The following MAP2K6 variants were observed in gnomAD, a reference collection of about 807,000 sequenced individuals.
MAP2K6 encodes the protein mitogen-activated protein kinase kinase 6, also known as dual specificity mitogen-activated protein kinase kinase 6.
MAP2K6 carries 16 observed loss-of-function variants against 53.7 expected under a neutral mutation model. The ratio of observed to expected loss-of-function variants is 0.30; its 90% CI spans 0.20 to 0.45. MAP2K6 has a LOEUF of 0.45. Among genes scored for constraint, MAP2K6 ranks in the 20% least tolerant of loss-of-function variants. The probability of loss-of-function intolerance (pLI) is 1.00; values close to 1 mark genes in which losing one functional copy is unlikely to be tolerated. For synonymous variants in MAP2K6, 132 were observed against 143.1 expected, an observed-to-expected ratio of 0.92 and a Z score of 0.55; for missense variants, 204 against 411.9, an observed-to-expected ratio of 0.50 and a Z score of 4.37.
intron 1 of MAP2K6, among the ~76,000 whole-genome samples, chr17:69,487,788 T>C (rs1908601741): frequency 1.3e-5 from 2 of 152,236 alleles, no homozygotes; most frequent in Admixed American, 1.3e-4. Context: ...GGGTACTTCC[T>C]TCAGTCTTTA....
chr17:69,467,938 G>A (rs140553004), intron 1 of MAP2K6, among the ~76,000 whole-genome samples: 2,822 of 152,010 alleles, frequency 0.019, 97 homozygotes, highest in African/African-American at 0.064. Flanking sequence ...GCTAATTTTT[G>A]TATTTTTAGT....
At chr17:69,465,768 T>C (rs1187223482) in intron 1 of MAP2K6, among the ~76,000 whole-genome samples, 2 of 151,676 alleles carry the variant, frequency 1.3e-5, no homozygotes, top group South Asian at 4.2e-4. Context: ...TATAGACGTG[T>C]GCCACCATGT....
At position 69,552,094 on chromosome 17, in the gene MAP2K6, G is replaced by A. The variant is rs1912123151; in HGVS notation, c.*10341G>A. ...TTTTCTTACCTTCTGTAAATTTTGT[G>A]ATAGACACATGTTATTTGTATATAT... is the stretch of plus-strand genomic sequence containing the variant. On this transcript the variant is annotated 3_prime_UTR_variant, in exon 12 of 12. Transcript: ENST00000590474. 6.6e-6 allele frequency: 1 copy of A among 152,204 alleles called. No homozygotes were observed. Among genetic ancestry groups the A allele is most frequent in the South Asian group, 2.1e-4 (1 of 4,828 alleles). The allele number at this position is 152,204 out of a possible 1,614,324, so 9.4% of individuals were successfully genotyped here. A position where few individuals can be genotyped will look rare whatever the true frequency, so the allele number is the denominator to read the frequency against.
chr17:69,546,985 G>A lies in MAP2K6; in HGVS notation c.*5232G>A, dbSNP rs1218303794. On this transcript the variant is annotated 3_prime_UTR_variant, in exon 12 of 12. Transcript: ENST00000590474. ...CCAGACCCGATAGAATAGAAAGAAA[G>A]CTATTTTATTCTCGGAGGTCTATGT... 1.3e-5 allele frequency: 2 copies of A among 151,890 alleles called. No homozygotes were observed. Among genetic ancestry groups the A allele is most frequent in the South Asian group, 2.1e-4 (1 of 4,820 alleles). 9.4% of individuals were successfully genotyped at this position (151,890 alleles called of 1,614,324 possible).
chr17:69,429,699 A>G (rs1193109789), intron 1 of MAP2K6, among the ~76,000 whole-genome samples: 1 of 152,222 alleles, frequency 6.6e-6, no homozygotes, highest in Admixed American at 6.5e-5. Flanking sequence ...AAGAAAGGGC[A>G]CTAAGGAAAG....
At chr17:69,496,173 G>A (rs8065373) in intron 1 of MAP2K6, among the ~76,000 whole-genome samples, 1,940 of 151,894 alleles carry the variant, frequency 0.013, 38 homozygotes, top group African/African-American at 0.044. Context: ...CCCAATTAGC[G>A]GATGGACAGG....
At chr17:69,463,126 G>A (rs1168017472) in intron 1 of MAP2K6, among the ~76,000 whole-genome samples, 11 of 151,840 alleles carry the variant, frequency 7.2e-5, no homozygotes, top group Admixed American at 6.6e-4. Flanking sequence ...ATGAGACACA[G>A]TGTTAGAGGT....
chr17:69,547,883 A>G lies in MAP2K6; in HGVS notation c.*6130A>G, dbSNP rs1023925927. 6.6e-6 allele frequency: 1 copy of G among 152,208 alleles called. No individual in the cohort carries two copies. The highest frequency in any genetic ancestry group is 2.4e-5 in the African/African-American group (1 of 41,448). The allele number at this position is 152,208 out of a possible 1,614,324, so 9.4% of individuals were successfully genotyped here. A position where few individuals can be genotyped will look rare whatever the true frequency, so the allele number is the denominator to read the frequency against. On this transcript the variant is annotated 3_prime_UTR_variant, in exon 12 of 12. Transcript: ENST00000590474. ...TCTTTCTTTCTGTAGTGTGGTTTATACACAAGGAGAATCACGAACCCAGAC... is the reference window on the plus strand; with the variant it reads ...TCTTTCTTTCTGTAGTGTGGTTTATGCACAAGGAGAATCACGAACCCAGAC...
intron 10 of MAP2K6, among the ~76,000 whole-genome samples, chr17:69,530,148 C>A (rs1295905281): frequency 6.6e-6 from 1 of 152,020 alleles, no homozygotes; most frequent in African/African-American, 2.4e-5. Flanking sequence ...TACTCTGTCT[C>A]TACAAAAAAT....
In MAP2K6 at chr17:69,551,927, G is replaced by C. The variant is rs1383274875; in HGVS notation, c.*10174G>C. 6.6e-6 allele frequency: 1 copy of C among 152,138 alleles called. No homozygotes were observed. Among genetic ancestry groups the C allele is most frequent in the East Asian group, 1.9e-4 (1 of 5,198 alleles). 9.4% of individuals were successfully genotyped at this position (152,138 alleles called of 1,614,324 possible). On this transcript the variant is annotated 3_prime_UTR_variant, in exon 12 of 12. Transcript: ENST00000590474. Reference sequence around the variant, plus strand: ...TTGTGAAAATCTTGATGAGACACTAGAATTTCTTTATGGAATTGAACTTTA... The same window carrying C: ...TTGTGAAAATCTTGATGAGACACTACAATTTCTTTATGGAATTGAACTTTA...
intron 1 of MAP2K6, among the ~76,000 whole-genome samples, chr17:69,473,896 T>A (rs527256425): frequency 1.2e-3 from 184 of 152,356 alleles, no homozygotes; most frequent in African/African-American, 4.3e-3. Context: ...TACCCTGGTA[T>A]GTGTGATCGT....
chr17:69,523,056 T>C (rs952311144), intron 7 of MAP2K6, among the ~76,000 whole-genome samples: 1 of 152,190 alleles, frequency 6.6e-6, no homozygotes, highest in South Asian at 2.1e-4. Flanking sequence ...TAAGACCTTA[T>C]CTTGAAGAAA....
intron 1 of MAP2K6, among the ~76,000 whole-genome samples, chr17:69,452,038 A>T (rs914834549): frequency 6.6e-6 from 1 of 152,090 alleles, no homozygotes; most frequent in Non-Finnish European, 1.5e-5. Flanking sequence ...AGCGGTGGGG[A>T]TGGAGGCAGT....
chr17:69,534,583 A>G (rs1036596314), intron 10 of MAP2K6, among the ~76,000 whole-genome samples: 2 of 134,428 alleles, frequency 1.5e-5, no homozygotes, highest in African/African-American at 2.8e-5. Context: ...TTTTAATTTT[A>G]TTTCGTTTTA....
intron 2 of MAP2K6, among the ~76,000 whole-genome samples, chr17:69,514,621 G>A (rs1051087119): frequency 2.6e-5 from 4 of 152,098 alleles, no homozygotes; most frequent in African/African-American, 9.7e-5. Context: ...GAGCGCAGTG[G>A]CACGATCTTG....
Position 69,465,615 on chromosome 17 carries a change from GT to G in MAP2K6, c.17-40158del, listed in dbSNP as rs1459530286. Among the ~76,000 whole-genome samples the G allele has an allele frequency of 4.3e-5, 5 of 116,780 alleles. No homozygotes were observed. In the Middle Eastern group the frequency reaches 0.011, roughly 263 times the overall value. The allele number at this position is 116,780 out of a possible 152,430, so 76.6% of individuals were successfully genotyped here. ...GATGTGCCCTTCCTGGTGATGTTTT[GT>G]TTTTTTCTTTTTTTTTTTTTGAAAC... On this transcript the variant is annotated intron_variant, in intron 1 of 11. Coordinates refer to ENST00000590474, the MANE Select transcript of MAP2K6 (RefSeq NM_002758.4).
chr17:69,496,942 T>C (rs2716219), intron 1 of MAP2K6, among the ~76,000 whole-genome samples: 86,158 of 151,376 alleles, frequency 0.57, 24,988 homozygotes, highest in Middle Eastern at 0.71. Flanking sequence ...AGATGACGAG[T>C]ATCATTTTTA....
intron 1 of MAP2K6, among the ~76,000 whole-genome samples, chr17:69,428,048 T>C (rs573483484): frequency 6.6e-6 from 1 of 152,314 alleles, no homozygotes; most frequent in East Asian, 1.9e-4. Context: ...ACAAGCATTA[T>C]AGAACAACCA....
In MAP2K6 at chr17:69,542,271, G is replaced by A. The variant is rs1911678296; in HGVS notation, c.*518G>A. Reference sequence around the variant, plus strand: ...TTTTTTAAGTTCAATTGTGTCTGTGGTCCAGAAGAAATTATTTAATATGCA... The same window carrying A: ...TTTTTTAAGTTCAATTGTGTCTGTGATCCAGAAGAAATTATTTAATATGCA... On this transcript the variant is annotated 3_prime_UTR_variant, in exon 12 of 12. Coordinates refer to ENST00000590474, the MANE Select transcript of MAP2K6 (RefSeq NM_002758.4). 6.6e-6 allele frequency: 1 copy of A among 152,358 alleles called. No homozygotes were observed. The highest frequency in any genetic ancestry group is 2.4e-5 in the African/African-American group (1 of 41,352). The allele number at this position is 152,358 out of a possible 1,614,324, so 9.4% of individuals were successfully genotyped here. A position where few individuals can be genotyped will look rare whatever the true frequency, so the allele number is the denominator to read the frequency against.
Sources: gnomAD v4.1 joint callset for allele counts (sites outside exome capture counted in the v4.1 genomes callset) on GRCh38, gnomAD v4.1.1 for gene constraint, MANE v1.5 for transcripts, NCBI Gene and HGNC (gene_info 2026-07-23, HGNC 2026-07-21) for gene names.